The following PDE11A variants were observed in gnomAD, a reference collection of about 807,000 sequenced individuals.
The protein encoded by PDE11A is phosphodiesterase 11A.
A neutral mutation model predicts 100.5 loss-of-function variants in PDE11A; 100 were observed. That is an observed-to-expected ratio of 1.00 (90% confidence interval 0.85 to 1.18). The LOEUF (loss-of-function observed/expected upper bound fraction) is 1.18. Among genes scored for constraint, PDE11A ranks in the 50% most tolerant of loss-of-function variants. The pLI is 0.00. For synonymous variants in PDE11A, 381 were observed against 420.8 expected (o/e 0.91, Z 1.16); for missense variants, 1,141 against 1,152.6 (o/e 0.99, Z 0.15).
intron 10 of PDE11A, among the ~76,000 whole-genome samples, chr2:177,757,271 A>T (rs559831739): frequency 6.6e-6 from 1 of 152,326 alleles, no homozygotes; most frequent in Admixed American, 6.5e-5. Context: ...GACTGAGCAT[A>T]TACTGGGGCC....
At position 178,072,171 on chromosome 2, in the gene PDE11A, A is replaced by G. The variant is rs962055560; in HGVS notation, c.267T>C (p.Gly89=). Residue 89 remains glycine (G), a synonymous_variant, in exon 1 of 20, where the codon GGT becomes GGC. Coordinates refer to ENST00000286063, the MANE Select transcript of PDE11A (RefSeq NM_016953.4). The stretch of plus-strand genomic sequence containing the variant: ...AGGGAACCCCACCACAGTCCCCGCC[A>G]CCGGGAAGGGGCTGGCTGTGGGCAG... The part of the protein sequence containing the change: ...NGSAHSQPLP[G]GGDCGGVPLS... 1.9e-6 allele frequency: 3 copies of G among 1,613,698 alleles called. No individual in the cohort carries two copies. The highest frequency in any genetic ancestry group is 1.7e-6 in the Non-Finnish European group (2 of 1,179,898).
At chr2:177,843,748 G>C (rs2083529187) in intron 5 of PDE11A, among the ~76,000 whole-genome samples, 1 of 152,140 alleles carries the variant, frequency 6.6e-6, no homozygotes, top group South Asian at 2.1e-4. Flanking sequence ...CTTAACTGGG[G>C]AGATGAGAAA....
chr2:178,086,507 G>T (rs906288922), intron 2 of PDE11A, among the ~76,000 whole-genome samples: 4 of 152,058 alleles, frequency 2.6e-5, no homozygotes, highest in African/African-American at 9.7e-5. Flanking sequence ...GTAGAGATGG[G>T]CATACATGAT....
At chr2:177,714,933 C>T (rs907055980) in intron 12 of PDE11A, among the ~76,000 whole-genome samples, 3 of 152,218 alleles carry the variant, frequency 2.0e-5, no homozygotes, top group Non-Finnish European at 4.4e-5. Flanking sequence ...CTGCTGCCAG[C>T]AGCCCTCGGA....
At position 177,769,393 on chromosome 2, in the gene PDE11A, A is replaced by G; in HGVS notation, c.1738-20T>C. 7.1e-7 allele frequency: 1 copy of G among 1,407,964 alleles called. No individual in the cohort carries two copies. Among genetic ancestry groups the G allele is most frequent in the Non-Finnish European group, 1.0e-6 (1 of 992,696 alleles). 87.2% of individuals were successfully genotyped at this position (1,407,964 alleles called of 1,614,324 possible). On this transcript the variant is annotated intron_variant, in intron 9 of 19. Coordinates refer to ENST00000286063, the MANE Select transcript of PDE11A (RefSeq NM_016953.4). Reference sequence around the variant, plus strand: ...TAGCACCTGATTCAGAAGAAAAAAAAATAATTTTAATAACTAGACATGACT... The same window carrying G: ...TAGCACCTGATTCAGAAGAAAAAAAGATAATTTTAATAACTAGACATGACT...
chr2:178,086,507 G>A (rs906288922), intron 2 of PDE11A, among the ~76,000 whole-genome samples: 1 of 152,058 alleles, frequency 6.6e-6, no homozygotes, highest in Admixed American at 6.5e-5. Context: ...GTAGAGATGG[G>A]CATACATGAT....
intron 2 of PDE11A, among the ~76,000 whole-genome samples, chr2:177,968,111 C>T (rs976592600): frequency 1.4e-4 from 21 of 152,208 alleles, no homozygotes; most frequent in Admixed American, 2.6e-4. Context: ...GTTTATCAGA[C>T]GAGGTGCTAA....
chr2:177,860,942 A>G (rs186993623), intron 5 of PDE11A, among the ~76,000 whole-genome samples: 3 of 151,854 alleles, frequency 2.0e-5, no homozygotes, highest in African/African-American at 7.2e-5. Context: ...AACTTCCTCA[A>G]ACTAATAAAA....
At chr2:177,997,324 A>C (rs2086088145) in intron 2 of PDE11A, 1 of 909,926 alleles carries the variant, frequency 1.1e-6, no homozygotes, top group Admixed American at 1.7e-5. Flanking sequence ...GAGGATTATA[A>C]ATCTGCCTGG....
intron 10 of PDE11A, among the ~76,000 whole-genome samples, chr2:177,734,078 C>A (rs1474304382): frequency 1.7e-4 from 26 of 152,196 alleles, no homozygotes; most frequent in Non-Finnish European, 3.4e-4. Flanking sequence ...CTTGGGTGCA[C>A]CATGACTGGA....
At chr2:177,849,545 GACAA>G (rs1474258265) in intron 5 of PDE11A, among the ~76,000 whole-genome samples, 2 of 152,038 alleles carry the variant, frequency 1.3e-5, no homozygotes, top group African/African-American at 2.4e-5. Context: ...ACCAATAACA[GACAA>G]ACAGAGAGCC....
intron 1 of PDE11A, among the ~76,000 whole-genome samples, chr2:178,056,360 T>C (rs1375974297): frequency 6.6e-6 from 1 of 152,200 alleles, no homozygotes; most frequent in Non-Finnish European, 1.5e-5. Flanking sequence ...GCTGGCATGG[T>C]AACTCCTGGG....
At chr2:177,637,995 A>ATTTT (rs1303030999) in intron 19 of PDE11A, among the ~76,000 whole-genome samples, 6 of 54,126 alleles carry the variant, frequency 1.1e-4, no homozygotes, top group African/African-American at 1.8e-4. Context: ...ATATATATAT[A>ATTTT]TATTTTTTTT....
intron 2 of PDE11A, chr2:177,997,662 G>C (rs528314358): frequency 3.4e-5 from 53 of 1,537,906 alleles, no homozygotes; most frequent in Non-Finnish European, 4.4e-5. Flanking sequence ...TGAAATCTTT[G>C]AGTTTTTCTG....
At chr2:178,030,849 C>T (rs1159419872) in intron 1 of PDE11A, among the ~76,000 whole-genome samples, 5 of 152,094 alleles carry the variant, frequency 3.3e-5, no homozygotes, top group Admixed American at 6.5e-5. Flanking sequence ...CACTGCACAC[C>T]AGCCTGGGTG....
At chr2:177,684,252 T>C (rs1237557267) in intron 15 of PDE11A, among the ~76,000 whole-genome samples, 2 of 152,176 alleles carry the variant, frequency 1.3e-5, no homozygotes, top group African/African-American at 2.4e-5. Context: ...TACCAACAAA[T>C]AAATAGGTAA....
At chr2:177,843,643 T>C (rs879577463) in intron 5 of PDE11A, among the ~76,000 whole-genome samples, 10 of 152,182 alleles carry the variant, frequency 6.6e-5, no homozygotes, top group Admixed American at 1.3e-4. Context: ...GTAAAATCAG[T>C]GAACAGTGTA....
rs1490723622 is a variant in PDE11A at position 177,636,282 on chromosome 2, G to A, written c.2647-6720C>T. Among the ~76,000 whole-genome samples the A allele has an allele frequency of 2.6e-5, 4 of 152,118 alleles. No homozygotes were observed. The East Asian group carries it at 7.7e-4, about 29-fold the overall frequency. ...CCTCTCTTCTCTGTATACTCCAGAT[G>A]CTAATTTCTACACAGTACACTTGGT... On this transcript the variant is annotated intron_variant, in intron 19 of 19. Coordinates refer to ENST00000286063, the MANE Select transcript of PDE11A (RefSeq NM_016953.4).
intron 2 of PDE11A, among the ~76,000 whole-genome samples, chr2:178,089,864 GA>G (rs1219527038): frequency 6.6e-6 from 1 of 152,202 alleles, no homozygotes. Flanking sequence ...AAAGCTGGAT[GA>G]TAGGAATGGC....
Sources: allele counts gnomAD v4.1 joint callset (sites outside exome capture counted in the v4.1 genomes callset), GRCh38; gene constraint gnomAD v4.1.1; transcripts MANE v1.5; gene names NCBI Gene and HGNC (gene_info 2026-07-23, HGNC 2026-07-21).